The following MOB4 variants were observed in gnomAD, a reference collection of about 807,000 sequenced individuals.
MOB4 encodes the protein MOB-like protein phocein.
In MOB4, 4 loss-of-function variants were observed where a neutral mutation model predicts 32.2. That is an observed-to-expected ratio of 0.12 (90% confidence interval 0.06 to 0.28). The LOEUF (loss-of-function observed/expected upper bound fraction) is 0.28, where lower values mean the gene tolerates loss of function less well. MOB4 is among the 10% of genes least tolerant of loss of function. The pLI, the probability that MOB4 is intolerant of heterozygous loss-of-function variation, is 1.00. For synonymous variants in MOB4, 88 were observed against 88.1 expected (o/e 1.00, Z 0.01); for missense variants, 158 against 271.2 (o/e 0.58, Z 2.93).
At position 197,538,061 on chromosome 2, in the gene MOB4, T is replaced by A. The variant is rs761704126; in HGVS notation, c.225-2050T>A. 6.6e-5 allele frequency among the ~76,000 whole-genome samples: 10 copies of A among 152,034 alleles called. No homozygotes were observed. The South Asian group carries it at 1.0e-3, about 16-fold the overall frequency. Reference sequence around the variant, plus strand: ...CCAAAGTGCTGGGATTACAGGCGTGTGCCACCACACTTGGCCGTTTTTTCC... The same window carrying A: ...CCAAAGTGCTGGGATTACAGGCGTGAGCCACCACACTTGGCCGTTTTTTCC... On this transcript the variant is annotated intron_variant, in intron 3 of 7. Coordinates refer to ENST00000323303, the MANE Select transcript of MOB4 (RefSeq NM_015387.5).
intron 6 of MOB4, 102 bp from the exon 7 acceptor site, chr2:197,550,173 C>G: frequency 1.9e-6 from 2 of 1,045,308 alleles, no homozygotes; most frequent in Non-Finnish European, 1.3e-6. Context: ...CGCTTATTTT[C>G]CCTAGGTGTC....
At chr2:197,546,254 G>C (rs1273020389) in intron 5 of MOB4, among the ~76,000 whole-genome samples, 1 of 151,880 alleles carries the variant, frequency 6.6e-6, no homozygotes, top group Non-Finnish European at 1.5e-5. Flanking sequence ...GTAGAGATGG[G>C]GTTTCATCGT....
chr2:197,535,899 C>CTTT (rs1319135434), intron 3 of MOB4, among the ~76,000 whole-genome samples: 4 of 129,290 alleles, frequency 3.1e-5, no homozygotes, highest in African/African-American at 2.8e-5. Flanking sequence ...CTTTTCTTTT[C>CTTT]TTTTTTTTTT....
intron 5 of MOB4, among the ~76,000 whole-genome samples, chr2:197,542,655 A>G (rs780270446): frequency 6.6e-6 from 1 of 152,224 alleles, no homozygotes; most frequent in Non-Finnish European, 1.5e-5. Context: ...AAGCCCTCAC[A>G]GTCACATGCT....
At chr2:197,525,881 A>C (rs1002888500) in intron 2 of MOB4, among the ~76,000 whole-genome samples, 2 of 152,184 alleles carry the variant, frequency 1.3e-5, no homozygotes, top group African/African-American at 4.8e-5. Flanking sequence ...ACAGATGGTT[A>C]TCTCTTTAAA....
At chr2:197,540,265 G>T in intron 4 of MOB4, 86 bp from the exon 5 acceptor site, 2 of 1,474,322 alleles carry the variant, frequency 1.4e-6, no homozygotes, top group South Asian at 1.4e-5. Context: ...CTTTCTTCTA[G>T]AATTTATTAT....
At chr2:197,525,405 A>G (rs2086594590) in intron 2 of MOB4, among the ~76,000 whole-genome samples, 1 of 151,904 alleles carries the variant, frequency 6.6e-6, no homozygotes, top group Non-Finnish European at 1.5e-5. Context: ...AAGATCTTAG[A>G]AAATAAAAGA....
At chr2:197,533,840 G>T in intron 2 of MOB4, 2 of 616,914 alleles carry the variant, frequency 3.2e-6, no homozygotes, top group Non-Finnish European at 6.2e-6. Flanking sequence ...TTAGAATCAA[G>T]TGATTCCTGG....
At chr2:197,526,276 C>T (rs896768443) in intron 2 of MOB4, among the ~76,000 whole-genome samples, 3 of 152,070 alleles carry the variant, frequency 2.0e-5, no homozygotes, top group African/African-American at 7.2e-5. Flanking sequence ...AATGCTTTTT[C>T]TGCACCTATT....
At chr2:197,525,691 G>C (rs2086600132) in intron 2 of MOB4, among the ~76,000 whole-genome samples, 1 of 149,566 alleles carries the variant, frequency 6.7e-6, no homozygotes, top group Admixed American at 6.7e-5. Context: ...CTCCAGGCTG[G>C]TGACAGAGAC....
At chr2:197,525,461 T>C (rs2086595746) in intron 2 of MOB4, among the ~76,000 whole-genome samples, 1 of 151,486 alleles carries the variant, frequency 6.6e-6, no homozygotes, top group African/African-American at 2.4e-5. Flanking sequence ...CCCATCTGGG[T>C]GTGGGGGCTC....
intron 5 of MOB4, among the ~76,000 whole-genome samples, chr2:197,545,956 T>A (rs888032482): frequency 2.0e-5 from 3 of 152,256 alleles, no homozygotes; most frequent in Non-Finnish European, 4.4e-5. Flanking sequence ...AGCCCATTAA[T>A]TTTATATCAA....
chr2:197,539,639 A>G (rs1275869785), intron 3 of MOB4, among the ~76,000 whole-genome samples: 1 of 152,046 alleles, frequency 6.6e-6, no homozygotes, highest in Non-Finnish European at 1.5e-5. Context: ...GTATGTTTCT[A>G]TGTACCAACA....
chr2:197,518,717 C>A (rs2086460879), intron 1 of MOB4, among the ~76,000 whole-genome samples: 1 of 152,046 alleles, frequency 6.6e-6, no homozygotes, highest in African/African-American at 2.4e-5. Context: ...TGCCTGCCAC[C>A]ACGCCCGGCT....
At chr2:197,536,365 G>A (rs927072480) in intron 3 of MOB4, among the ~76,000 whole-genome samples, 3 of 151,648 alleles carry the variant, frequency 2.0e-5, no homozygotes, top group African/African-American at 7.3e-5. Context: ...CTCTAAGCCT[G>A]GCTAGTTTTT....
intron 1 of MOB4, chr2:197,516,700 C>A: frequency 2.1e-6 from 1 of 471,700 alleles, no homozygotes; most frequent in South Asian, 1.5e-5. Flanking sequence ...TGCCGCTTTC[C>A]CTGGAGCTGT....
chr2:197,530,236 A>G (rs2086676948), intron 2 of MOB4, among the ~76,000 whole-genome samples: 1 of 151,156 alleles, frequency 6.6e-6, no homozygotes, highest in Non-Finnish European at 1.5e-5. Flanking sequence ...CCAAAGTGCT[A>G]GGATTACAGG....
At chr2:197,539,274 A>G (rs2086855231) in intron 3 of MOB4, among the ~76,000 whole-genome samples, 1 of 151,974 alleles carries the variant, frequency 6.6e-6, no homozygotes, top group Admixed American at 6.6e-5. Context: ...CTTTTTATCA[A>G]ATAGCTGTCT....
intron 2 of MOB4, among the ~76,000 whole-genome samples, chr2:197,526,249 G>C (rs1360509062): frequency 6.6e-6 from 1 of 152,118 alleles, no homozygotes; most frequent in Non-Finnish European, 1.5e-5. Context: ...ATCATAAAAT[G>C]GTGTTAAATT....
Sources: gnomAD v4.1 joint callset for allele counts (sites outside exome capture counted in the v4.1 genomes callset) on GRCh38, gnomAD v4.1.1 for gene constraint, MANE v1.5 for transcripts, NCBI Gene and HGNC (gene_info 2026-07-23, HGNC 2026-07-21) for gene names.